WDR59: variants seen among roughly 807,000 people sequenced by gnomAD.
WDR59 encodes WD repeat domain 59.
In WDR59, 100 loss-of-function variants were observed where a neutral mutation model predicts 131.2. The ratio of observed to expected loss-of-function variants is 0.76; its 90% confidence interval spans 0.65 to 0.90. The LOEUF is 0.90. Ranked by LOEUF, WDR59 falls within the 40% of genes least tolerant of loss-of-function variation. WDR59 has a pLI of 0.00. For missense variants in WDR59, 1,203 were observed against 1,262.2 expected (o/e 0.95, Z 0.71); for synonymous variants, 601 against 466.2 (o/e 1.29, Z -3.72).
chr16:74,948,420 G>A (rs2032784479), intron 6 of WDR59, 99 bp downstream of exon 6: 2 of 1,118,604 alleles, frequency 1.8e-6, no homozygotes, highest in Admixed American at 1.8e-5. Context: ...AGTTAGAGAG[G>A]GAGATGGAAA....
intron 8 of WDR59, among the ~76,000 whole-genome samples, chr16:74,934,221 C>T (rs8059863): frequency 6.6e-6 from 1 of 152,082 alleles, no homozygotes; most frequent in African/African-American, 2.4e-5. Flanking sequence ...GAATACATTT[C>T]AGCAACTGTT....
chr16:74,969,711 G>A (rs2033908548), intron 1 of WDR59, among the ~76,000 whole-genome samples: 2 of 151,690 alleles, frequency 1.3e-5, no homozygotes, highest in Admixed American at 1.3e-4. Flanking sequence ...TGAGATTACA[G>A]GCATGTGCCA....
chr16:74,955,290 A>G (rs1378200414), intron 3 of WDR59, among the ~76,000 whole-genome samples: 1 of 152,196 alleles, frequency 6.6e-6, no homozygotes, highest in Non-Finnish European at 1.5e-5. Context: ...GGTGGGGAGC[A>G]TACTACTGAG....
At chr16:74,916,476 A>T (rs1179250510) in intron 11 of WDR59, among the ~76,000 whole-genome samples, 1 of 152,170 alleles carries the variant, frequency 6.6e-6, no homozygotes, top group Non-Finnish European at 1.5e-5. Context: ...AAATTTTTTC[A>T]TCATGTTCAG....
intron 1 of WDR59, chr16:74,979,257 G>C (rs971903632): frequency 4.6e-5 from 7 of 151,928 alleles, no homozygotes; most frequent in African/African-American, 1.7e-4. Flanking sequence ...GAGATCAGGA[G>C]ATTGAGACAA....
chr16:74,980,882 T>C (rs1356375836), intron 1 of WDR59, among the ~76,000 whole-genome samples: 1 of 150,706 alleles, frequency 6.6e-6, no homozygotes, highest in East Asian at 2.0e-4. Context: ...GGAGAAGCAC[T>C]TGAACCCAGG....
intron 8 of WDR59, among the ~76,000 whole-genome samples, chr16:74,932,462 C>T (rs1567406721): frequency 6.7e-6 from 1 of 148,690 alleles, no homozygotes; most frequent in Non-Finnish European, 1.5e-5. Flanking sequence ...CACACACACA[C>T]ACACAACTAT....
At chr16:74,975,648 G>T (rs1397978897) in intron 1 of WDR59, among the ~76,000 whole-genome samples, 1 of 146,514 alleles carries the variant, frequency 6.8e-6, no homozygotes, top group Non-Finnish European at 1.5e-5. Context: ...TGGGCAACAA[G>T]AGTGAAACTC....
intron 4 of WDR59, 49 bp from the exon 5 acceptor site, chr16:74,949,847 G>A: frequency 6.4e-7 from 1 of 1,571,412 alleles, no homozygotes; most frequent in Middle Eastern, 1.7e-4. Context: ...AAAATTCAGA[G>A]TCCAGGTCCA....
At chr16:74,940,799 G>A (rs185087235) in intron 7 of WDR59, among the ~76,000 whole-genome samples, 15 of 152,106 alleles carry the variant, frequency 9.9e-5, no homozygotes, top group East Asian at 5.9e-4. Flanking sequence ...TCCGCCTCCC[G>A]GGTTCAAGCG....
At chr16:74,967,086 A>C (rs2033803565) in intron 1 of WDR59, among the ~76,000 whole-genome samples, 1 of 152,182 alleles carries the variant, frequency 6.6e-6, no homozygotes, top group Non-Finnish European at 1.5e-5. Context: ...CGACAATCAC[A>C]AATCACAAAT....
At chr16:74,976,586 T>C (rs555548286) in intron 1 of WDR59, among the ~76,000 whole-genome samples, 29 of 152,000 alleles carry the variant, frequency 1.9e-4, no homozygotes, top group Middle Eastern at 3.4e-3. Flanking sequence ...GGACTACAGG[T>C]GCCCACCACC....
At position 74,892,536 on chromosome 16, in the gene WDR59, C is replaced by T; in HGVS notation, c.2030G>A (p.Cys677Tyr). The change falls in exon 20 of 26, where the codon TGT becomes TAT. Residue 677 changes from cysteine (C) to tyrosine (Y), a missense_variant. Physicochemically the swap from Cys to Tyr is radical, Grantham distance 194 (BLOSUM62 -2). Coordinates refer to ENST00000262144, the MANE Select transcript of WDR59 (RefSeq NM_030581.4). ...ILNVNDIQET[C>Y]QKNAASALLV... Reference sequence around the variant, plus strand: ...CAAGGCAGAGGCGGCATTCTTCTGACATGTTTCCTGAATATCATTCACATT... The same window carrying T: ...CAAGGCAGAGGCGGCATTCTTCTGATATGTTTCCTGAATATCATTCACATT... The T allele has an allele frequency of 1.2e-6, 2 of 1,613,780 alleles. No homozygotes were observed. The highest frequency in any genetic ancestry group is 1.7e-6 in the Non-Finnish European group (2 of 1,179,924).
chr16:74,908,999 G>A (rs2144920647), intron 16 of WDR59, 22 bp from the exon 17 acceptor site: 1 of 1,607,426 alleles, frequency 6.2e-7, no homozygotes, highest in Middle Eastern at 2.0e-4. Context: ...GACATCACAT[G>A]AGCCATCAGT....
At chr16:74,981,153 C>G (rs1237815111) in intron 1 of WDR59, among the ~76,000 whole-genome samples, 1 of 151,510 alleles carries the variant, frequency 6.6e-6, no homozygotes, top group African/African-American at 2.4e-5. Flanking sequence ...ATCACAAGGT[C>G]AGGAGATCGA....
intron 8 of WDR59, among the ~76,000 whole-genome samples, chr16:74,926,187 G>A (rs545526997): frequency 3.3e-5 from 5 of 151,198 alleles, no homozygotes; most frequent in Non-Finnish European, 5.9e-5. Flanking sequence ...AGCCTCCCAC[G>A]TAGCTGGGAT....
chr16:74,981,450 C>T (rs1338869790), intron 1 of WDR59, among the ~76,000 whole-genome samples: 2 of 149,060 alleles, frequency 1.3e-5, no homozygotes, highest in Non-Finnish European at 3.0e-5. Flanking sequence ...CACAGCTACT[C>T]AGGAGACTGA....
In WDR59 at chr16:74,884,178, G is replaced by A. The variant is rs1165079165; in HGVS notation, c.2689+1475C>T. Among the ~76,000 whole-genome samples, 4 of 152,160 alleles carry A rather than the reference G, an allele frequency of 2.6e-5. 1 individual carries two copies. The South Asian group carries it at 8.3e-4, about 32-fold the overall frequency. Reference sequence around the variant, plus strand: ...AGCGATGCCACCCTCAGACCGGGCTGTCTGCCTCTGACCGCTACAACGTCT... The same window carrying A: ...AGCGATGCCACCCTCAGACCGGGCTATCTGCCTCTGACCGCTACAACGTCT... On this transcript the variant is annotated intron_variant, in intron 25 of 25. Coordinates refer to ENST00000262144, the MANE Select transcript of WDR59 (RefSeq NM_030581.4).
At chr16:74,918,619 G>A (rs1966504259) in intron 10 of WDR59, among the ~76,000 whole-genome samples, 1 of 152,086 alleles carries the variant, frequency 6.6e-6, no homozygotes, top group African/African-American at 2.4e-5. Context: ...CTGGTCAAAG[G>A]GAAATTATCC....
Sources: gnomAD v4.1 joint callset for allele counts (sites outside exome capture counted in the v4.1 genomes callset) on GRCh38, gnomAD v4.1.1 for gene constraint, MANE v1.5 for transcripts, NCBI Gene and HGNC (gene_info 2026-07-23, HGNC 2026-07-21) for gene names.